Variants in MBNL2 observed in about 807,000 individuals in gnomAD.
MBNL2 encodes the protein muscleblind like splicing regulator 2, also known as muscleblind-like protein 2.
Under a neutral mutation model 41.9 loss-of-function variants are expected in MBNL2, and 17 were observed. The observed-to-expected ratio is 0.41, with a 90% CI of 0.28 to 0.61. MBNL2 has a LOEUF of 0.61. MBNL2 is among the 20% of genes least tolerant of loss of function. The pLI, the probability that MBNL2 is intolerant of heterozygous loss-of-function variation, is 0.35. For missense variants in MBNL2, 336 were observed against 505.6 expected (o/e 0.66, Z 3.22); for synonymous variants, 195 against 182.9 (o/e 1.07, Z -0.53).
intron 8 of MBNL2, among the ~76,000 whole-genome samples, chr13:97,389,730 A>C (rs566231497): frequency 2.0e-5 from 3 of 152,126 alleles, no homozygotes; most frequent in African/African-American, 4.8e-5. Context: ...GAAAGAAAGA[A>C]AGAAAGAAAC....
chr13:97,221,218 G>A (rs570107638), upstream of MBNL2, among the ~76,000 whole-genome samples: 15 of 152,236 alleles, frequency 9.9e-5, no homozygotes, highest in Middle Eastern at 3.4e-3. Context: ...TAAAGGCTTT[G>A]TTCTGTCTTG....
intron 1 of MBNL2, among the ~76,000 whole-genome samples, chr13:97,251,571 A>T: frequency 6.6e-6 from 1 of 152,140 alleles, no homozygotes; most frequent in Non-Finnish European, 1.5e-5. Flanking sequence ...GTGTTTAAAG[A>T]TTTATTTTTG....
At chr13:97,259,674 C>T (rs1411072013) in intron 1 of MBNL2, among the ~76,000 whole-genome samples, 1 of 152,200 alleles carries the variant, frequency 6.6e-6, no homozygotes, top group African/African-American at 2.4e-5. Context: ...TCAGCCTTGC[C>T]AATCACTGTA....
the MBNL2 span, among the ~76,000 whole-genome samples, chr13:97,161,754 A>G: frequency 6.6e-6 from 1 of 152,198 alleles, no homozygotes; most frequent in African/African-American, 2.4e-5. Context: ...CAGCTGACAA[A>G]TGAGTGCTTG....
At chr13:97,355,095 T>G (rs1387464498) in intron 5 of MBNL2, among the ~76,000 whole-genome samples, 1 of 152,218 alleles carries the variant, frequency 6.6e-6, no homozygotes, top group Non-Finnish European at 1.5e-5. Context: ...CAAAGTTACA[T>G]GCAAGGAAAG....
chr13:97,237,473 G>A (rs1045222969), intron 1 of MBNL2, among the ~76,000 whole-genome samples: 6 of 152,140 alleles, frequency 3.9e-5, no homozygotes, highest in African/African-American at 1.4e-4. Flanking sequence ...ATACTCTACC[G>A]TTACAGGTAA....
chr13:97,339,557 G>A (rs761544110), intron 3 of MBNL2, among the ~76,000 whole-genome samples: 7 of 152,080 alleles, frequency 4.6e-5, no homozygotes, highest in Non-Finnish European at 8.8e-5. Context: ...GAAACTGTAG[G>A]GCTAATTCTC....
intron 2 of MBNL2, among the ~76,000 whole-genome samples, chr13:97,287,467 G>A (rs981465805): frequency 6.6e-6 from 1 of 152,082 alleles, no homozygotes; most frequent in Non-Finnish European, 1.5e-5. Flanking sequence ...GATCAGATCA[G>A]GGCAATTAGC....
chr13:97,346,796 T>C lies in MBNL2; in HGVS notation c.541-8T>C, dbSNP rs761903631. On this transcript the variant is annotated splice_polypyrimidine_tract_variant and splice_region_variant and intron_variant, in intron 4 of 8. Transcript: ENST00000679496. The surrounding 1 kb of genome is among the most constrained non-coding windows in gnomAD (Gnocchi z 4.2). ...CCTCTGCAGCGCGGCTCTTCTTCCC[T>C]GTCTTAGGTATGCAGGGAGTTCCAG... is the stretch of plus-strand genomic sequence containing the variant. 1.2e-6 allele frequency: 2 copies of C among 1,613,036 alleles called. No homozygotes were observed. Among genetic ancestry groups the C allele is most frequent in the Non-Finnish European group, 8.5e-7 (1 of 1,179,306 alleles).
chr13:97,272,196 A>G (rs769353952), intron 1 of MBNL2, among the ~76,000 whole-genome samples: 4 of 151,838 alleles, frequency 2.6e-5, no homozygotes, highest in Non-Finnish European at 5.9e-5. Context: ...GTTTTTTTTC[A>G]TGTTTGTTGG....
At chr13:97,166,099 G>C in the MBNL2 span, among the ~76,000 whole-genome samples, 1 of 152,238 alleles carries the variant, frequency 6.6e-6, no homozygotes, top group Non-Finnish European at 1.5e-5. Flanking sequence ...AACAGGAGTG[G>C]AGAGAATTGT....
the MBNL2 span, among the ~76,000 whole-genome samples, chr13:97,147,914 G>A: frequency 3.9e-5 from 6 of 152,166 alleles, no homozygotes; most frequent in Admixed American, 2.0e-4. Context: ...AGAGTAGTGG[G>A]AAGAGGAAGG....
At chr13:97,269,837 G>A (rs953998597) in intron 1 of MBNL2, among the ~76,000 whole-genome samples, 4 of 96,378 alleles carry the variant, frequency 4.2e-5, no homozygotes, top group African/African-American at 1.2e-4. Context: ...CTCTGTGGCT[G>A]GAGCAGATCT....
At chr13:97,261,703 CA>C (rs1373019571) in intron 1 of MBNL2, among the ~76,000 whole-genome samples, 1 of 152,200 alleles carries the variant, frequency 6.6e-6, no homozygotes, top group East Asian at 1.9e-4. Context: ...TGGAAGGCCC[CA>C]GCACCACTTT....
the MBNL2 span, among the ~76,000 whole-genome samples, chr13:97,189,806 G>A: frequency 6.6e-6 from 1 of 152,120 alleles, no homozygotes; most frequent in Non-Finnish European, 1.5e-5. Context: ...CAACTTAAAG[G>A]GACAGATAAG....
chr13:97,219,153 T>C (rs1343402991), upstream of MBNL2, among the ~76,000 whole-genome samples: 1 of 152,160 alleles, frequency 6.6e-6, no homozygotes, highest in African/African-American at 2.4e-5. Context: ...GGGATCTGCA[T>C]TTTAACAAGA....
chr13:97,205,572 ACT>A, the MBNL2 span, among the ~76,000 whole-genome samples: 1 of 152,002 alleles, frequency 6.6e-6, no homozygotes, highest in Non-Finnish European at 1.5e-5. Flanking sequence ...CTTTTAAAAG[ACT>A]CTAAATATGG....
In MBNL2 at chr13:97,287,921, TTTTTTTTGTTTTGTTTTG is replaced by T. The variant is rs2054920661; in HGVS notation, c.174+11520_174+11537del. 1.7e-5 allele frequency among the ~76,000 whole-genome samples: 2 copies of T among 119,182 alleles called. 1 individual carries two copies. The highest frequency in any genetic ancestry group is 6.2e-5 in the African/African-American group (2 of 32,050). The allele number at this position is 119,182 out of a possible 152,430, so 78.2% of individuals were successfully genotyped here. A position where few individuals can be genotyped will look rare whatever the true frequency, so the allele number is the denominator to read the frequency against. On this transcript the variant is annotated intron_variant, in intron 2 of 8. Transcript: ENST00000679496. ...CACCAGGCCCGGCTAATTTTCTGTT[TTTTTTTTGTTTTGTTTTG>T]TTTTTTTTTTTTTTAGTAGAGATGG...
Position 97,334,150 on chromosome 13 carries a change from A to ACC in MBNL2, c.175-125_175-124insCC, listed in dbSNP as rs2060681981. 1 of 274,234 alleles carries ACC rather than the reference A, an allele frequency of 3.6e-6. No homozygotes were observed. The highest frequency in any genetic ancestry group is 5.9e-6 in the Non-Finnish European group (1 of 169,714). The allele number at this position is 274,234 out of a possible 1,614,324, so 17.0% of individuals were successfully genotyped here. A position where few individuals can be genotyped will look rare whatever the true frequency, so the allele number is the denominator to read the frequency against. Reference sequence around the variant, plus strand: ...CACATGAGCATGCGCGCGCACACCCACACACACACACACACACACACACAC... The same window carrying ACC: ...CACATGAGCATGCGCGCGCACACCCACCCACACACACACACACACACACACAC... On this transcript the variant is annotated intron_variant, in intron 2 of 8. Coordinates refer to ENST00000679496, the MANE Select transcript of MBNL2 (RefSeq NM_001382683.1). This position sits in a 1 kb window ranked among gnomAD's most constrained non-coding sequence, Gnocchi z 5.3.
Sources: allele counts gnomAD v4.1 joint callset (sites outside exome capture counted in the v4.1 genomes callset), GRCh38; gene constraint gnomAD v4.1.1; non-coding constraint Gnocchi (gnomAD v3.1); transcripts MANE v1.5; gene names NCBI Gene and HGNC (gene_info 2026-07-23, HGNC 2026-07-21).